POFUT3: variants seen among roughly 807,000 people sequenced by gnomAD.
POFUT3 encodes protein O-fucosyltransferase 3.
At chr8:33,404,540 T>C in the POFUT3 span, among the ~76,000 whole-genome samples, 2 of 152,112 alleles carry the variant, frequency 1.3e-5, 1 homozygote, top group African/African-American at 4.8e-5. Flanking sequence ...CAGTAACAAG[T>C]TGAACTGCTG....
chr8:33,339,246 G>A, the POFUT3 span, among the ~76,000 whole-genome samples: 7 of 152,058 alleles, frequency 4.6e-5, no homozygotes, highest in African/African-American at 1.7e-4. Flanking sequence ...ATATAAAGGA[G>A]AATCAAATGG....
chr8:33,358,111 G>T, the POFUT3 span, among the ~76,000 whole-genome samples: 2 of 152,132 alleles, frequency 1.3e-5, no homozygotes, highest in Non-Finnish European at 2.9e-5. Flanking sequence ...AAATTAGCCA[G>T]GTGTTGTGGT....
the POFUT3 span, among the ~76,000 whole-genome samples, chr8:33,424,039 T>A: frequency 6.6e-6 from 1 of 151,488 alleles, no homozygotes; most frequent in Non-Finnish European, 1.5e-5. Flanking sequence ...CTCAGGAGAC[T>A]GAGGCAGGAG....
the POFUT3 span, among the ~76,000 whole-genome samples, chr8:33,470,539 T>C: frequency 6.6e-6 from 1 of 152,218 alleles, no homozygotes. Flanking sequence ...GTTTTTCCTA[T>C]GAGGTCTTAT....
the POFUT3 span, among the ~76,000 whole-genome samples, chr8:33,343,668 A>T: frequency 1.3e-5 from 2 of 152,182 alleles, no homozygotes; most frequent in African/African-American, 4.8e-5. Flanking sequence ...CAAGTCAGTG[A>T]GTTTTTTTCT....
the POFUT3 span, among the ~76,000 whole-genome samples, chr8:33,416,761 G>A: frequency 2.7e-5 from 4 of 148,488 alleles, no homozygotes; most frequent in South Asian, 2.1e-4. Flanking sequence ...CAGGAGAATC[G>A]CTTGAACCCA....
chr8:33,472,892 TA>T, the POFUT3 span, among the ~76,000 whole-genome samples: 4 of 152,158 alleles, frequency 2.6e-5, no homozygotes, highest in Admixed American at 2.6e-4. Context: ...TTCCGTCTCT[TA>T]CACGCACCCC....
At chr8:33,399,214 C>T in the POFUT3 span, among the ~76,000 whole-genome samples, 1 of 152,182 alleles carries the variant, frequency 6.6e-6, no homozygotes, top group Admixed American at 6.5e-5. Flanking sequence ...CTATACATGT[C>T]AATTAGTTCA....
chr8:33,328,166 C>T, the POFUT3 span, among the ~76,000 whole-genome samples: 5 of 152,148 alleles, frequency 3.3e-5, no homozygotes, highest in South Asian at 1.0e-3. Context: ...CTTGGTGAAA[C>T]ATAATTTCCA....
chr8:33,345,820 T>G, the POFUT3 span, among the ~76,000 whole-genome samples: 1 of 147,800 alleles, frequency 6.8e-6, no homozygotes, highest in African/African-American at 2.5e-5. Flanking sequence ...AAGTTGGTAT[T>G]TATTACTTTT....
chr8:33,450,679 G>A, the POFUT3 span, among the ~76,000 whole-genome samples: 6 of 152,060 alleles, frequency 3.9e-5, no homozygotes, highest in Non-Finnish European at 4.4e-5. Flanking sequence ...GCATAGATTC[G>A]GTTCTCCATG....
chr8:33,368,716 C>T, the POFUT3 span, among the ~76,000 whole-genome samples: 1 of 152,184 alleles, frequency 6.6e-6, no homozygotes, highest in Non-Finnish European at 1.5e-5. Flanking sequence ...CTCCTAGTTA[C>T]ACTTCAAATC....
At chr8:33,461,104 G>C in the POFUT3 span, among the ~76,000 whole-genome samples, 1 of 151,088 alleles carries the variant, frequency 6.6e-6, no homozygotes, top group African/African-American at 2.4e-5. Flanking sequence ...GCAGTAAGCA[G>C]AGATCGTGCC....
the POFUT3 span, among the ~76,000 whole-genome samples, chr8:33,391,249 C>T: frequency 1.3e-5 from 2 of 152,162 alleles, no homozygotes; most frequent in Admixed American, 1.3e-4. Context: ...TCAAGAAAGG[C>T]TTTTAAACAA....
At chr8:33,444,990 A>G in the POFUT3 span, among the ~76,000 whole-genome samples, 100,123 of 145,280 alleles carry the variant, frequency 0.69, 35,459 homozygotes, top group African/African-American at 0.86. Flanking sequence ...CTGGGGTGCA[A>G]TAGTGCAATC....
At chr8:33,395,505 C>T in the POFUT3 span, among the ~76,000 whole-genome samples, 8 of 151,918 alleles carry the variant, frequency 5.3e-5, 1 homozygote, top group South Asian at 4.2e-4. Context: ...ATCATCTTTC[C>T]GCTCTATCCC....
At chr8:33,454,222 G>A in the POFUT3 span, among the ~76,000 whole-genome samples, 1 of 152,140 alleles carries the variant, frequency 6.6e-6, no homozygotes, top group Admixed American at 6.6e-5. Context: ...AAGACCCAGG[G>A]GTCAGCAGGG....
At chr8:33,462,756 C>T in the POFUT3 span, among the ~76,000 whole-genome samples, 3 of 151,954 alleles carry the variant, frequency 2.0e-5, no homozygotes, top group African/African-American at 7.3e-5. Flanking sequence ...ATAGTGAAAC[C>T]CTGTCTGCAT....
At chr8:33,407,068 A>T in the POFUT3 span, among the ~76,000 whole-genome samples, 1 of 152,198 alleles carries the variant, frequency 6.6e-6, no homozygotes, top group Admixed American at 6.5e-5. Context: ...TACTTAGGAA[A>T]TACTGCCCTT....
Sources: allele counts gnomAD v4.1 joint callset (sites outside exome capture counted in the v4.1 genomes callset), GRCh38; gene constraint gnomAD v4.1.1; transcripts MANE v1.5; gene names NCBI Gene and HGNC (gene_info 2026-07-23, HGNC 2026-07-21).